Variants in GATA4 observed in about 807,000 individuals in gnomAD.
GATA4 encodes GATA binding protein 4, also known as transcription factor GATA-4.
Under a neutral mutation model 37.9 loss-of-function variants are expected in GATA4, and 7 were observed. The observed-to-expected ratio is 0.18, with a 90% CI of 0.11 to 0.35. The LOEUF is 0.35. Ranked by LOEUF, GATA4 falls within the 10% of genes least tolerant of loss-of-function variation. The probability of loss-of-function intolerance (pLI) is 1.00; values close to 1 mark genes in which losing one functional copy is unlikely to be tolerated. For synonymous variants in GATA4, 372 were observed against 292.6 expected (o/e 1.27, Z -2.77); for missense variants, 647 against 653.0 (o/e 0.99, Z 0.10).
chr8:11,756,171 G>A (rs1802559172), intron 5 of GATA4, among the ~76,000 whole-genome samples: 1 of 152,078 alleles, frequency 6.6e-6, no homozygotes, highest in Non-Finnish European at 1.5e-5. Flanking sequence ...CTGATCTGAC[G>A]AAAAATTTAT....
chr8:11,719,274 T>C (rs570486125), intron 2 of GATA4, among the ~76,000 whole-genome samples: 1 of 151,454 alleles, frequency 6.6e-6, no homozygotes, highest in East Asian at 1.9e-4. Context: ...TCAAACCAGG[T>C]AAAGACAGGC....
chr8:11,757,181 C>G, intron 6 of GATA4, 98 bp downstream of exon 6: 1 of 1,528,846 alleles, frequency 6.5e-7, no homozygotes, highest in Non-Finnish European at 8.9e-7. Context: ...GCAGCCAGGC[C>G]TCACAGGTGC....
intron 4 of GATA4, 150 bp downstream of exon 4, chr8:11,750,386 C>G: frequency 4.7e-6 from 5 of 1,066,774 alleles, no homozygotes; most frequent in Non-Finnish European, 4.2e-6. Flanking sequence ...CTTTGCTGGC[C>G]TCTTCCGTCC....
chr8:11,756,099 G>T (rs1358866845), intron 5 of GATA4, among the ~76,000 whole-genome samples: 1 of 151,972 alleles, frequency 6.6e-6, no homozygotes, highest in African/African-American at 2.4e-5. Flanking sequence ...TCCTCACTCA[G>T]TACTGCTACC....
At chr8:11,748,088 C>G (rs112700293) in intron 2 of GATA4, among the ~76,000 whole-genome samples, 8 of 152,266 alleles carry the variant, frequency 5.3e-5, no homozygotes, top group African/African-American at 9.6e-5. Flanking sequence ...TGTGGTGGCG[C>G]ATGCCTGTAA....
rs1163290470 is a variant in GATA4, at chr8:11,749,535, G to C, written c.786+450G>C. Among the ~76,000 whole-genome samples the C allele has an allele frequency of 2.6e-5, 4 of 152,230 alleles. No homozygotes were observed. The highest frequency in any genetic ancestry group is 9.6e-5 in the African/African-American group (4 of 41,460). On this transcript the variant is annotated intron_variant, in intron 3 of 6. Transcript: ENST00000532059. The surrounding 1 kb of genome is among the most constrained non-coding windows in gnomAD (Gnocchi z 4.6). ...AAGCCCAGAAGTGCAAGCAGCTTGT[G>C]TTGGGCCCCGTGGCTAGGGAAGAGT... is the stretch of plus-strand genomic sequence containing the variant.
chr8:11,701,330 T>C (rs1324017411), upstream of GATA4, among the ~76,000 whole-genome samples: 1 of 151,292 alleles, frequency 6.6e-6, no homozygotes, highest in African/African-American at 2.4e-5. Context: ...GAGAGAGGAC[T>C]TGAATGGGGA....
upstream of GATA4, among the ~76,000 whole-genome samples, chr8:11,692,250 G>A (rs1020847068): frequency 5.9e-5 from 9 of 152,338 alleles, no homozygotes; most frequent in Non-Finnish European, 1.2e-4. Context: ...ACTGAGCGCA[G>A]GGGTGGAGAA....
intron 2 of GATA4, among the ~76,000 whole-genome samples, chr8:11,744,545 C>T (rs1412162726): frequency 1.3e-5 from 2 of 152,198 alleles, no homozygotes; most frequent in African/African-American, 4.8e-5. Flanking sequence ...AGAAGTGGTG[C>T]TTACCGAGGT....
chr8:11,753,741 A>G (rs759235568), intron 4 of GATA4, among the ~76,000 whole-genome samples: 1 of 152,224 alleles, frequency 6.6e-6, no homozygotes, highest in Non-Finnish European at 1.5e-5. Flanking sequence ...TCAAGTTCAC[A>G]TATGCTGGTG....
At chr8:11,753,605 G>A (rs529942788) in intron 4 of GATA4, among the ~76,000 whole-genome samples, 60 of 152,098 alleles carry the variant, frequency 3.9e-4, no homozygotes, top group African/African-American at 1.4e-3. Flanking sequence ...ATGGGGTGGG[G>A]GAGGACACCC....
chr8:11,729,757 T>G (rs1048975664), intron 2 of GATA4, among the ~76,000 whole-genome samples: 3 of 152,210 alleles, frequency 2.0e-5, no homozygotes, highest in African/African-American at 7.2e-5. Context: ...CGCTGCCTTG[T>G]GAATTTCCGC....
chr8:11,734,086 A>G (rs1801336038), intron 2 of GATA4, among the ~76,000 whole-genome samples: 1 of 152,228 alleles, frequency 6.6e-6, no homozygotes, highest in Non-Finnish European at 1.5e-5. Context: ...TTGTTACAGC[A>G]TAACAGCTTA....
chr8:11,683,038 T>C (rs1585546162), intron 1 of GATA4: 8 of 984,748 alleles, frequency 8.1e-6, no homozygotes, highest in Non-Finnish European at 9.6e-6. Flanking sequence ...TGCGCGGGGG[T>C]TTCTCGACAG....
At chr8:11,704,644 G>A (rs1799811887) in intron 1 of GATA4, among the ~76,000 whole-genome samples, 2 of 152,222 alleles carry the variant, frequency 1.3e-5, no homozygotes, top group African/African-American at 2.4e-5. Flanking sequence ...GGTGATGGTG[G>A]CCGCGTGAAG....
Position 11,743,792 on chromosome 8 carries a change from G to T in GATA4, c.617-5124G>T, listed in dbSNP as rs568138552. On this transcript the variant is annotated intron_variant, in intron 2 of 6. Coordinates refer to ENST00000532059, the MANE Select transcript of GATA4 (RefSeq NM_001308093.3). ...CTCCTGGCCTGCATTCTTCTTTCAGGCACTAGGGTGGGAGCAGCTTGTTTA... is the reference window on the plus strand; with the variant it reads ...CTCCTGGCCTGCATTCTTCTTTCAGTCACTAGGGTGGGAGCAGCTTGTTTA... Among the ~76,000 whole-genome samples the T allele has an allele frequency of 1.6e-3, 237 of 152,292 alleles. 1 individual carries two copies. The highest frequency in any genetic ancestry group is 5.4e-3 in the African/African-American group (224 of 41,560).
rs552236690 is a variant in GATA4, at chr8:11,683,172, A to C, written c.-274+6109A>C. 7,668 of 942,636 alleles carry C rather than the reference A, an allele frequency of 8.1e-3. 29 individuals are homozygous for C. The highest frequency in any genetic ancestry group is 9.2e-3 in the Non-Finnish European group (7,308 of 791,094). 58.4% of individuals were successfully genotyped at this position (942,636 alleles called of 1,614,324 possible). A position where few individuals can be genotyped will look rare whatever the true frequency, so the allele number is the denominator to read the frequency against. ...AGATAATGGAGGGGCTCGCTATCTA[A>C]TCTGGACAGCAGCAGGAACAATCCA... On this transcript the variant is annotated intron_variant, in intron 1 of 6. Transcript: ENST00000528712.
At position 11,720,258 on chromosome 8, in the gene GATA4, C is replaced by T. The variant is rs1391033499; in HGVS notation, c.616+11330C>T. Among the ~76,000 whole-genome samples, 22 of 151,942 alleles carry T rather than the reference C, an allele frequency of 1.4e-4. 1 individual carries two copies. The highest frequency in any genetic ancestry group is 1.5e-5 in the Non-Finnish European group (1 of 67,988). On this transcript the variant is annotated intron_variant, in intron 2 of 6. Transcript: ENST00000532059. ...AAAATCGAGTGTCTTCCGGCATGCC[C>T]CGTGATAGTCATTCAGGCTGACTTT...
At chr8:11,693,111 C>A (rs1331823891) in intron 1 of GATA4, 8 of 968,950 alleles carry the variant, frequency 8.3e-6, no homozygotes, top group Non-Finnish European at 9.8e-6. Flanking sequence ...ACTTCTTAAT[C>A]CCAGTGTCTG....
Sources: gnomAD v4.1 joint callset for allele counts (sites outside exome capture counted in the v4.1 genomes callset) on GRCh38, gnomAD v4.1.1 for gene constraint, Gnocchi (gnomAD v3.1) non-coding constraint, MANE v1.5 for transcripts, NCBI Gene and HGNC (gene_info 2026-07-23, HGNC 2026-07-21) for gene names.